Variants in CAT observed in about 807,000 individuals in gnomAD.
CAT encodes catalase, also known as epididymis secretory sperm binding protein.
A neutral mutation model predicts 59.0 loss-of-function variants in CAT; 43 were observed. The observed-to-expected ratio is 0.73, with a 90% CI of 0.57 to 0.94. The LOEUF (loss-of-function observed/expected upper bound fraction) is 0.94. CAT is among the 40% of genes least tolerant of loss of function. The probability of loss-of-function intolerance (pLI) is 0.00; values close to 1 mark genes in which losing one functional copy is unlikely to be tolerated. For missense variants in CAT, 664 were observed against 682.9 expected (o/e 0.97, Z 0.31); for synonymous variants, 218 against 230.9 (o/e 0.94, Z 0.51).
At chr11:34,464,303 C>A in intron 10 of CAT, 68 bp downstream of exon 10, 1 of 1,451,046 alleles carries the variant, frequency 6.9e-7, no homozygotes, top group Non-Finnish European at 9.7e-7. Context: ...CTGCATAATC[C>A]CCCTCCCTGC....
intron 9 of CAT, 91 bp from the exon 10 acceptor site, chr11:34,464,014 C>T (rs566611952): frequency 1.6e-6 from 2 of 1,273,188 alleles, no homozygotes; most frequent in South Asian, 2.4e-5. Context: ...ATTTGATTAC[C>T]ACTTGAATTT....
chr11:34,468,591 A>G (rs1856744357), intron 11 of CAT, 196 bp downstream of exon 11: 2 of 622,734 alleles, frequency 3.2e-6, no homozygotes, highest in Admixed American at 2.6e-5. Flanking sequence ...TGGCATATCC[A>G]TCGTCCTTAG....
chr11:34,470,936 A>G (rs375688306), intron 11 of CAT, 22 bp from the exon 12 acceptor site: 164 of 1,596,564 alleles, frequency 1.0e-4, no homozygotes, highest in Middle Eastern at 1.7e-4. Flanking sequence ...TAATGCTTGC[A>G]TTTATTTTCC....
intron 8 of CAT, among the ~76,000 whole-genome samples, chr11:34,460,446 C>CTTTTTTTTTTTTTTTTTT (rs149180752): frequency 2.0e-4 from 17 of 84,500 alleles, no homozygotes; most frequent in Admixed American, 2.7e-4. Context: ...GTGGGCGGTA[C>CTTTTTTTTTTTTTTTTTT]TTTTTTTTTT....
At chr11:34,461,515 C>T (rs531518392) in intron 9 of CAT, 126 bp downstream of exon 9, 1 of 1,135,904 alleles carries the variant, frequency 8.8e-7, no homozygotes, top group Non-Finnish European at 1.3e-6. Flanking sequence ...AGGTGCTCCC[C>T]AGGTGCTGCT....
At chr11:34,450,857 C>A in intron 2 of CAT, 131 bp from the exon 3 acceptor site, 1 of 772,662 alleles carries the variant, frequency 1.3e-6, no homozygotes, top group Non-Finnish European at 2.4e-6. Flanking sequence ...TTTCCCCTTC[C>A]TCCAACATAC....
At chr11:34,445,415 C>T in intron 1 of CAT, among the ~76,000 whole-genome samples, 1 of 136,646 alleles carries the variant, frequency 7.3e-6, no homozygotes, top group East Asian at 2.2e-4. Context: ...ATTGCTTGAA[C>T]CCGGGAGGAG....
rs2133862016 is a variant in CAT at position 34,471,781 on chromosome 11, T to C, written c.*348T>C. On this transcript the variant is annotated 3_prime_UTR_variant, in exon 13 of 13. Coordinates refer to ENST00000241052, the MANE Select transcript of CAT (RefSeq NM_001752.4). ...ACATATCACCTCATGGCCTATTATATTAAAATATGGCTATAAATATATAAA... is the reference window on the plus strand; with the variant it reads ...ACATATCACCTCATGGCCTATTATACTAAAATATGGCTATAAATATATAAA... 1 of 272,288 alleles carries C rather than the reference T, an allele frequency of 3.7e-6. No homozygotes were observed. The highest frequency in any genetic ancestry group is 8.5e-5 in the East Asian group (1 of 11,766). 16.9% of individuals were successfully genotyped at this position (272,288 alleles called of 1,614,324 possible).
intron 10 of CAT, 151 bp from the exon 11 acceptor site, chr11:34,468,137 G>A (rs1856739676): frequency 1.5e-6 from 1 of 686,496 alleles, no homozygotes; most frequent in Non-Finnish European, 2.6e-6. Context: ...AAAACAAAAA[G>A]TGAAGGACAC....
At chr11:34,452,053 C>T (rs1444378875) in intron 3 of CAT, 24 bp from the exon 4 acceptor site, 1 of 1,613,748 alleles carries the variant, frequency 6.2e-7, no homozygotes, top group African/African-American at 1.3e-5. Flanking sequence ...GCTTATGCTT[C>T]CTGTTTCCAT....
rs760424217 is a variant in CAT at position 34,452,037 on chromosome 11, G to A, written c.350-40G>A. The A allele has an allele frequency of 6.2e-6, 10 of 1,612,684 alleles. No homozygotes were observed. The Admixed American group carries it at 1.7e-4, about 27-fold the overall frequency. Reference sequence around the variant, plus strand: ...TCTCCAGGCTTCTTGGATGCAAAGTGCTGTGGCTTATGCTTCCTGTTTCCA... The same window carrying A: ...TCTCCAGGCTTCTTGGATGCAAAGTACTGTGGCTTATGCTTCCTGTTTCCA... On this transcript the variant is annotated intron_variant, in intron 3 of 12. Coordinates refer to ENST00000241052, the MANE Select transcript of CAT (RefSeq NM_001752.4).
At chr11:34,458,226 G>A (rs1229289288) in intron 8 of CAT, among the ~76,000 whole-genome samples, 1 of 152,204 alleles carries the variant, frequency 6.6e-6, no homozygotes, top group Non-Finnish European at 1.5e-5. Flanking sequence ...TAGGCACAAA[G>A]GTGGGACATG....
chr11:34,467,798 A>G (rs1564967392), intron 10 of CAT, among the ~76,000 whole-genome samples: 1 of 152,202 alleles, frequency 6.6e-6, no homozygotes, highest in Non-Finnish European at 1.5e-5. Flanking sequence ...TGCTTAAGAA[A>G]TATTGGCTTC....
intron 10 of CAT, 79 bp downstream of exon 10, chr11:34,464,314 A>G (rs1456189559): frequency 7.4e-7 from 1 of 1,351,766 alleles, no homozygotes; most frequent in African/African-American, 1.4e-5. Flanking sequence ...CCCTCCCTGC[A>G]AATGCCCCAA....
chr11:34,453,181 A>G lies in CAT; in HGVS notation c.572A>G (p.Glu191Gly). 1 of 1,606,714 alleles carries G rather than the reference A, an allele frequency of 6.2e-7. No individual in the cohort carries two copies. The highest frequency in any genetic ancestry group is 8.5e-7 in the Non-Finnish European group (1 of 1,173,266). Residue 191 changes from glutamate (E) to glycine (G), a missense_variant, in exon 5 of 13, where the codon GAG becomes GGG. By Grantham distance (98) the Glu-to-Gly change is moderately conservative. Coordinates refer to ENST00000241052, the MANE Select transcript of CAT (RefSeq NM_001752.4). ...MVWDFWSLRP[E>G]SLHQVSFLFS... is the part of the protein sequence containing the mutation. ...TGGGACTTCTGGAGCCTACGTCCTG[A>G]GTCTCTGCATCAGGTATGAACCCTT...
chr11:34,440,577 T>C (rs1856377084), intron 1 of CAT, among the ~76,000 whole-genome samples: 1 of 151,880 alleles, frequency 6.6e-6, no homozygotes, highest in Admixed American at 6.6e-5. Flanking sequence ...CTTTTTTTTT[T>C]TTTGAGACGG....
chr11:34,461,250 G>A lies in CAT; in HGVS notation c.1057-1G>A, dbSNP rs1856646462. 1 of 1,614,028 alleles carries A rather than the reference G, an allele frequency of 6.2e-7. No homozygotes were observed. Among genetic ancestry groups the A allele is most frequent in the Non-Finnish European group, 8.5e-7 (1 of 1,180,008 alleles). The stretch of plus-strand genomic sequence containing the variant: ...AGTGTCTATTGTATTTATTACTGCA[G>A]GGCCGCCTTTTTGCCTATCCTGACA... On this transcript the variant is annotated splice_acceptor_variant, in intron 8 of 12. Coordinates refer to ENST00000241052, the MANE Select transcript of CAT (RefSeq NM_001752.4). LOFTEE classifies it high-confidence loss of function.
In CAT at chr11:34,456,156, T is replaced by G. The variant is rs1344720100; in HGVS notation, c.857T>G (p.Phe286Cys). Residue 286 changes from phenylalanine (F) to cysteine (C), a missense_variant, in exon 7 of 13, where the codon TTT becomes TGT. Coordinates refer to ENST00000241052, the MANE Select transcript of CAT (RefSeq NM_001752.4). ...SWTFYIQVMT[F>C]NQAETFPFNP... is the part of the protein sequence containing the mutation. ...ACTTTTTACATCCAGGTCATGACAT[T>G]TAATCAGGCAGAAACTTTTCCATTT... is the stretch of plus-strand genomic sequence containing the variant. 1.2e-6 allele frequency: 2 copies of G among 1,614,132 alleles called. No homozygotes were observed. The highest frequency in any genetic ancestry group is 1.7e-6 in the Non-Finnish European group (2 of 1,180,008).
chr11:34,461,285 A>G lies in CAT; in HGVS notation c.1091A>G (p.His364Arg). 6.2e-7 allele frequency: 1 copy of G among 1,614,240 alleles called. No homozygotes were observed. The highest frequency in any genetic ancestry group is 1.1e-5 in the South Asian group (1 of 91,082). The change falls in exon 9 of 13, where the codon CAT (histidine) becomes CGT (arginine). Residue 364 changes from histidine (H) to arginine (R), a missense_variant. Coordinates refer to ENST00000241052, the MANE Select transcript of CAT (RefSeq NM_001752.4). ...TTTGCCTATCCTGACACTCACCGCC[A>G]TCGCCTGGGACCCAATTATCTTCAT... ...RLFAYPDTHRHRLGPNYLHIP... is the reference protein window; with the variant it reads ...RLFAYPDTHRRRLGPNYLHIP...
Sources: gnomAD v4.1 joint callset for allele counts (sites outside exome capture counted in the v4.1 genomes callset) on GRCh38, gnomAD v4.1.1 for gene constraint, MANE v1.5 for transcripts, NCBI Gene and HGNC (gene_info 2026-07-23, HGNC 2026-07-21) for gene names.